CDKN2B-AS1: variants seen among roughly 807,000 people sequenced by gnomAD.
The protein encoded by CDKN2B-AS1 is CDKN2B antisense RNA 1 (non-protein coding).
intron 1 of CDKN2B-AS1, chr9:22,032,531 G>A (rs575947892): frequency 1.3e-5 from 2 of 152,164 alleles, no homozygotes; most frequent in African/African-American, 4.8e-5. Context: ...CTTGGCTGTT[G>A]GTATTATTGA....
At chr9:22,022,057 G>A (rs912630703) in intron 1 of CDKN2B-AS1, among the ~76,000 whole-genome samples, 1 of 152,112 alleles carries the variant, frequency 6.6e-6, no homozygotes, top group Non-Finnish European at 1.5e-5. Flanking sequence ...CATTTGCTGA[G>A]GAGTGTTTTA....
intron 4 of CDKN2B-AS1, among the ~76,000 whole-genome samples, chr9:22,124,188 G>T (rs1036737459): frequency 1.3e-5 from 2 of 152,062 alleles, no homozygotes; most frequent in Non-Finnish European, 2.9e-5. Flanking sequence ...TTCTGAGGTC[G>T]CAACTAAAAG....
intron 1 of CDKN2B-AS1, chr9:22,012,460 C>A (rs1160502751): frequency 1.6e-5 from 11 of 705,412 alleles, no homozygotes; most frequent in Non-Finnish European, 7.9e-6. Context: ...GCTATGCTCT[C>A]CTGCACCCCT....
rs1314357315 is a variant in CDKN2B-AS1, at chr9:21,999,318, A to G, written n.29+4157A>G. On this transcript the variant is annotated intron_variant and non_coding_transcript_variant, in intron 1 of 4. Coordinates refer to ENST00000650946, the Ensembl canonical transcript of CDKN2B-AS1. This position sits in a 1 kb window ranked among gnomAD's most constrained non-coding sequence, Gnocchi z 4.7. ...TACACATATATACTATATAGTATAT[A>G]TAGTTCATATGTATGTTATATGTTT... 6.6e-6 allele frequency among the ~76,000 whole-genome samples: 1 copy of G among 151,492 alleles called. No individual in the cohort carries two copies. Among genetic ancestry groups the G allele is most frequent in the Non-Finnish European group, 1.5e-5 (1 of 67,836 alleles).
At chr9:22,041,486 C>G (rs540232581) in intron 1 of CDKN2B-AS1, among the ~76,000 whole-genome samples, 2 of 151,970 alleles carry the variant, frequency 1.3e-5, no homozygotes, top group Non-Finnish European at 2.9e-5. Flanking sequence ...GCATAATAAC[C>G]CTGAGACAAT....
intron 1 of CDKN2B-AS1, among the ~76,000 whole-genome samples, chr9:22,027,429 T>C (rs1162589680): frequency 2.0e-5 from 3 of 152,256 alleles, no homozygotes; most frequent in East Asian, 3.9e-4. Flanking sequence ...TCAGAAAAAA[T>C]GCCAGGAGAA....
chr9:22,051,996 T>A (rs1441699419), intron 3 of CDKN2B-AS1, among the ~76,000 whole-genome samples: 3 of 152,160 alleles, frequency 2.0e-5, no homozygotes, highest in Non-Finnish European at 4.4e-5. Flanking sequence ...CATTTTAGCC[T>A]GAGGTTAAAT....
intron 1 of CDKN2B-AS1, among the ~76,000 whole-genome samples, chr9:22,044,795 G>A (rs1034209335): frequency 1.8e-4 from 28 of 151,610 alleles, no homozygotes; most frequent in South Asian, 2.1e-4. Flanking sequence ...GAGAGGAAAT[G>A]TTTAACCCAC....
intron 1 of CDKN2B-AS1, among the ~76,000 whole-genome samples, chr9:22,024,293 G>A (rs1435691956): frequency 6.6e-6 from 1 of 152,168 alleles, no homozygotes; most frequent in Non-Finnish European, 1.5e-5. Context: ...CTGGTTCCTC[G>A]AGGTTTGGAG....
intron 4 of CDKN2B-AS1, among the ~76,000 whole-genome samples, chr9:22,114,846 G>A (rs568475568): frequency 4.5e-4 from 68 of 152,296 alleles, no homozygotes; most frequent in South Asian, 2.5e-3. Context: ...GCTTTCAAGA[G>A]CCATGTCATT....
At position 22,043,005 on chromosome 9, in the gene CDKN2B-AS1, C is replaced by G. The variant is rs542068542; in HGVS notation, n.30-3746C>G. On this transcript the variant is annotated intron_variant and non_coding_transcript_variant, in intron 1 of 4. Transcript: ENST00000650946. ...GGCTGTCATTGTAACACTGTTTATG[C>G]AGGAATTGTAATTCTATCTGTTTTT... Among the ~76,000 whole-genome samples the G allele has an allele frequency of 3.9e-5, 6 of 152,184 alleles. No individual in the cohort carries two copies. The South Asian group carries it at 1.2e-3, about 32-fold the overall frequency.
chr9:22,001,511 T>G lies in CDKN2B-AS1; in HGVS notation n.29+6350T>G, dbSNP rs1005849526. Among the ~76,000 whole-genome samples the G allele has an allele frequency of 1.3e-5, 2 of 152,186 alleles. No homozygotes were observed. The highest frequency in any genetic ancestry group is 4.8e-5 in the African/African-American group (2 of 41,468). The stretch of plus-strand genomic sequence containing the variant: ...CCACAAATTAGTAAGTCAGGCTTGG[T>G]GCTTTTTGACCCATACATTAATTTT... On this transcript the variant is annotated intron_variant and non_coding_transcript_variant, in intron 1 of 4. Transcript: ENST00000650946. This position sits in a 1 kb window ranked among gnomAD's most constrained non-coding sequence, Gnocchi z 4.2.
At chr9:22,112,133 G>A (rs886814198) in intron 4 of CDKN2B-AS1, 3 of 152,176 alleles carry the variant, frequency 2.0e-5, no homozygotes, top group African/African-American at 7.2e-5. Flanking sequence ...AACTACCAAG[G>A]TAAGAGAAGA....
At chr9:22,009,270 C>G in intron 1 of CDKN2B-AS1, 1 of 514,410 alleles carries the variant, frequency 1.9e-6, no homozygotes, top group South Asian at 2.1e-5. Context: ...GGACGCGTCG[C>G]GGAGTCCTCA....
At chr9:22,066,082 A>T (rs572222642) in intron 4 of CDKN2B-AS1, among the ~76,000 whole-genome samples, 7 of 152,304 alleles carry the variant, frequency 4.6e-5, no homozygotes, top group Non-Finnish European at 1.0e-4. Flanking sequence ...CTCATATTGA[A>T]TTATCTCCCT....
intron 3 of CDKN2B-AS1, among the ~76,000 whole-genome samples, chr9:22,053,568 C>T (rs1364650402): frequency 6.6e-6 from 1 of 152,186 alleles, no homozygotes; most frequent in Non-Finnish European, 1.5e-5. Flanking sequence ...TTGTTTTTCT[C>T]TCTCTTCCCT....
chr9:22,014,086 T>C (rs1432372864), intron 1 of CDKN2B-AS1, among the ~76,000 whole-genome samples: 1 of 152,200 alleles, frequency 6.6e-6, no homozygotes, highest in Non-Finnish European at 1.5e-5. Context: ...ATTATTTTCT[T>C]GGGGATGGCA....
At chr9:22,115,662 G>T (rs2131371909) in intron 4 of CDKN2B-AS1, among the ~76,000 whole-genome samples, 1 of 152,194 alleles carries the variant, frequency 6.6e-6, no homozygotes, top group South Asian at 2.1e-4. Context: ...GCAAGGGGTG[G>T]GTGGGACCTG....
Position 22,096,704 on chromosome 9 carries a change from A to T in CDKN2B-AS1, n.439-30399A>T, listed in dbSNP as rs1358424130. Among the ~76,000 whole-genome samples, 3 of 152,176 alleles carry T rather than the reference A, an allele frequency of 2.0e-5. No individual in the cohort carries two copies. In the East Asian group the frequency reaches 5.8e-4, roughly 29 times the overall value. ...ATGACCCTGGCCCTGTCCCACTGGC[A>T]TTCCATCTCCAATCACACGGAACTA... On this transcript the variant is annotated intron_variant and non_coding_transcript_variant, in intron 4 of 4. Transcript: ENST00000650946.
Sources: gnomAD v4.1 joint callset for allele counts (sites outside exome capture counted in the v4.1 genomes callset) on GRCh38, gnomAD v4.1.1 for gene constraint, Gnocchi (gnomAD v3.1) non-coding constraint, MANE v1.5 for transcripts, NCBI Gene and HGNC (gene_info 2026-07-23, HGNC 2026-07-21) for gene names.